C1orf198: variants seen among roughly 807,000 people sequenced by gnomAD.
C1orf198 encodes chromosome 1 open reading frame 198, also known as uncharacterized protein C1orf198.
C1orf198 carries 17 observed loss-of-function variants against 31.4 expected under a neutral mutation model. The observed-to-expected ratio is 0.54, with a 90% CI of 0.37 to 0.81. The LOEUF (loss-of-function observed/expected upper bound fraction) is 0.81, where lower values mean the gene tolerates loss of function less well. C1orf198 is among the 40% of genes least tolerant of loss of function. The pLI, the probability that C1orf198 is intolerant of heterozygous loss-of-function variation, is 0.00. For synonymous variants in C1orf198, 175 were observed against 193.8 expected (o/e 0.90, Z 0.81); for missense variants, 401 against 450.3 (o/e 0.89, Z 0.99).
At chr1:230,868,117 C>A (rs1056709112) in intron 1 of C1orf198, 63 bp downstream of exon 1, 6 of 1,321,620 alleles carry the variant, frequency 4.5e-6, no homozygotes, top group Non-Finnish European at 5.8e-6. Context: ...CAGGTGCCCA[C>A]CGGGCCGGGG....
intron 2 of C1orf198, among the ~76,000 whole-genome samples, chr1:230,852,079 A>T (rs1669761190): frequency 1.3e-5 from 2 of 152,312 alleles, no homozygotes; most frequent in South Asian, 4.1e-4. Flanking sequence ...CATCCACTAA[A>T]TGTCTGTTGA....
upstream of C1orf198, chr1:230,869,026 C>G (rs1420114565): frequency 6.6e-6 from 1 of 152,406 alleles, no homozygotes; most frequent in Non-Finnish European, 1.5e-5. Context: ...TTCCTTCTGT[C>G]CCTTTCTGGG....
intron 2 of C1orf198, among the ~76,000 whole-genome samples, chr1:230,854,983 C>T (rs1372110211): frequency 6.6e-6 from 1 of 152,244 alleles, no homozygotes; most frequent in Non-Finnish European, 1.5e-5. Context: ...AACCCTCCAA[C>T]ACACATCACC....
rs1182474590 is a variant in C1orf198 at position 230,843,185 on chromosome 1, G to T, written c.927+169C>A. 5.3e-5 allele frequency among the ~76,000 whole-genome samples: 8 copies of T among 152,264 alleles called. No homozygotes were observed. Among genetic ancestry groups the T allele is most frequent in the African/African-American group, 1.9e-4 (8 of 41,536 alleles). ...GCAAAACTTGTCTTGTTGCATATTT[G>T]TTGGTGGCTCAGCACCCTGAGCCTA... On this transcript the variant is annotated intron_variant, in intron 3 of 3. Transcript: ENST00000366663. This position sits in a 1 kb window ranked among gnomAD's most constrained non-coding sequence, Gnocchi z 4.9.
Position 230,868,299 on chromosome 1 carries a change from G to T in C1orf198, c.214C>A (p.Arg72=). 6.3e-7 allele frequency: 1 copy of T among 1,598,076 alleles called. No homozygotes were observed. Among genetic ancestry groups the T allele is most frequent in the Non-Finnish European group, 8.5e-7 (1 of 1,173,256 alleles). ...GGGGCGCGCGGCCCCACCAGGCACC[G>T]GTCGATGATCTCGTCCTGCTGCGCG... ...PPAQQDEIID[R]CLVGPRAPAP... Residue 72 remains arginine (R), a synonymous_variant, in exon 1 of 4, where the codon CGG becomes AGG. Coordinates refer to ENST00000366663, the MANE Select transcript of C1orf198 (RefSeq NM_032800.3).
intron 2 of C1orf198, among the ~76,000 whole-genome samples, chr1:230,847,025 C>T (rs1252224031): frequency 3.4e-5 from 5 of 148,004 alleles, no homozygotes; most frequent in African/African-American, 1.3e-4. Context: ...ATGGCGTGAA[C>T]CCGGGAGGCG....
Position 230,837,826 on chromosome 1 carries a change from C to T in C1orf198, c.*2026G>A, listed in dbSNP as rs1167871314. ...TTATTGCTGGGTGCTGGGCCCCAGACGATACTAAGTGAGGCAGAAGCTTTC... is the reference window on the plus strand; with the variant it reads ...TTATTGCTGGGTGCTGGGCCCCAGATGATACTAAGTGAGGCAGAAGCTTTC... On this transcript the variant is annotated 3_prime_UTR_variant, in exon 4 of 4. Coordinates refer to ENST00000366663, the MANE Select transcript of C1orf198 (RefSeq NM_032800.3). 6.6e-6 allele frequency: 1 copy of T among 152,208 alleles called. No homozygotes were observed. Among genetic ancestry groups the T allele is most frequent in the Non-Finnish European group, 1.5e-5 (1 of 68,050 alleles). The allele number at this position is 152,208 out of a possible 1,614,324, so 9.4% of individuals were successfully genotyped here. A position where few individuals can be genotyped will look rare whatever the true frequency, so the allele number is the denominator to read the frequency against.
Position 230,857,729 on chromosome 1 carries a change from G to T in C1orf198, c.334-2011C>A, listed in dbSNP as rs12034355. On this transcript the variant is annotated intron_variant, in intron 1 of 3. Coordinates refer to ENST00000366663, the MANE Select transcript of C1orf198 (RefSeq NM_032800.3). This position sits in a 1 kb window ranked among gnomAD's most constrained non-coding sequence, Gnocchi z 4.2. ...AAAGGACTAAATATATTTATATCAGGAAAAAAAACACCACTAACAAAGATA... is the reference window on the plus strand; with the variant it reads ...AAAGGACTAAATATATTTATATCAGTAAAAAAAACACCACTAACAAAGATA... 0.14 allele frequency among the ~76,000 whole-genome samples: 21,233 copies of T among 151,558 alleles called. 1,856 individuals carry two copies. The highest frequency in any genetic ancestry group is 0.38 in the East Asian group (1,949 of 5,154).
At chr1:230,861,532 T>A (rs1315332622) in intron 1 of C1orf198, among the ~76,000 whole-genome samples, 1 of 152,212 alleles carries the variant, frequency 6.6e-6, no homozygotes, top group Admixed American at 6.5e-5. Context: ...CAGATATGCA[T>A]CCCGTGAGTC....
rs1422178606 is a variant in C1orf198 at position 230,857,849 on chromosome 1, A to C, written c.334-2131T>G. On this transcript the variant is annotated intron_variant, in intron 1 of 3. Coordinates refer to ENST00000366663, the MANE Select transcript of C1orf198 (RefSeq NM_032800.3). The surrounding 1 kb of genome is among the most constrained non-coding windows in gnomAD (Gnocchi z 4.2). ...GTGTATCAAACAGTCAGTTCTGAGA[A>C]CCACATAGTGTGTGCAACTAATGAC... Among the ~76,000 whole-genome samples the C allele has an allele frequency of 1.3e-5, 2 of 152,238 alleles. No individual in the cohort carries two copies. The highest frequency in any genetic ancestry group is 2.4e-5 in the African/African-American group (1 of 41,462).
intron 1 of C1orf198, among the ~76,000 whole-genome samples, chr1:230,861,123 C>A (rs986463400): frequency 6.6e-6 from 1 of 152,098 alleles, no homozygotes; most frequent in Admixed American, 6.5e-5. Context: ...GCAATGGATC[C>A]CCTCTGTATG....
chr1:230,868,544 C>T (rs1670181980), upstream of C1orf198: 4 of 1,246,892 alleles, frequency 3.2e-6, no homozygotes, highest in Non-Finnish European at 4.0e-6. Flanking sequence ...CGGCCCGCGC[C>T]CCGCCCCTCG....
Position 230,868,423 on chromosome 1 carries a change from G to A in C1orf198, c.90C>T (p.Phe30=). 1 of 1,587,184 alleles carries A rather than the reference G, an allele frequency of 6.3e-7. No individual in the cohort carries two copies. Among genetic ancestry groups the A allele is most frequent in the Non-Finnish European group, 8.6e-7 (1 of 1,167,174 alleles). The change falls in exon 1 of 4, where the codon TTC becomes TTT. Residue 30 remains phenylalanine, a synonymous_variant. Coordinates refer to ENST00000366663, the MANE Select transcript of C1orf198 (RefSeq NM_032800.3). ...TGGGGCTCAGCGACGAGAAGTAAGTGAAGCGCTTTCGCTCCCGGTCGTCCA... is the reference window on the plus strand; with the variant it reads ...TGGGGCTCAGCGACGAGAAGTAAGTAAAGCGCTTTCGCTCCCGGTCGTCCA... ...RPLDDRERKR[F]TYFSSLSPMA...
intron 1 of C1orf198, among the ~76,000 whole-genome samples, chr1:230,862,858 T>A (rs945964903): frequency 5.3e-5 from 8 of 152,204 alleles, no homozygotes; most frequent in Non-Finnish European, 1.0e-4. Flanking sequence ...CTATGGACTT[T>A]GGGTGGTAAC....
intron 2 of C1orf198, among the ~76,000 whole-genome samples, chr1:230,852,355 G>T (rs1309304102): frequency 6.6e-6 from 1 of 152,072 alleles, no homozygotes; most frequent in Non-Finnish European, 1.5e-5. Context: ...ATCAATGAAT[G>T]ATTTCAGAGA....
At chr1:230,854,143 T>G (rs1231073347) in intron 2 of C1orf198, among the ~76,000 whole-genome samples, 1 of 152,236 alleles carries the variant, frequency 6.6e-6, no homozygotes, top group Non-Finnish European at 1.5e-5. Flanking sequence ...TTTTTTACTT[T>G]CCTTTGCCTT....
At chr1:230,855,793 T>G in intron 1 of C1orf198, 75 bp from the exon 2 acceptor site, 2 of 1,559,310 alleles carry the variant, frequency 1.3e-6, no homozygotes, top group South Asian at 2.4e-5. Flanking sequence ...CCCAGGACCG[T>G]GGGGGAACCA....
At chr1:230,853,448 C>T (rs550757993) in intron 2 of C1orf198, among the ~76,000 whole-genome samples, 1 of 152,108 alleles carries the variant, frequency 6.6e-6, no homozygotes, top group East Asian at 1.9e-4. Flanking sequence ...TGGCAGGGCA[C>T]TCCAGGGTTA....
Position 230,843,726 on chromosome 1 carries a change from C to T in C1orf198, c.555G>A (p.Glu185=). The change falls in exon 3 of 4, where the codon GAG becomes GAA. Residue 185 remains glutamate (E), a synonymous_variant. Coordinates refer to ENST00000366663, the MANE Select transcript of C1orf198 (RefSeq NM_032800.3). The surrounding 1 kb of genome is among the most constrained non-coding windows in gnomAD (Gnocchi z 4.9). ...TGATCTTCCAGAATGACGCTTCCTC[C>T]TCCTTCCTGGTGGGGCCCAGGGCGT... ...SLDALGPTRK[E]EEASFWKINA... is the part of the protein sequence containing the mutation. 2 of 1,614,208 alleles carry T rather than the reference C, an allele frequency of 1.2e-6. No homozygotes were observed. The highest frequency in any genetic ancestry group is 1.7e-6 in the Non-Finnish European group (2 of 1,180,022).
Sources: gnomAD v4.1 joint callset for allele counts (sites outside exome capture counted in the v4.1 genomes callset) on GRCh38, gnomAD v4.1.1 for gene constraint, Gnocchi (gnomAD v3.1) non-coding constraint, MANE v1.5 for transcripts, NCBI Gene and HGNC (gene_info 2026-07-23, HGNC 2026-07-21) for gene names.